The following SCAF4 variants were observed in gnomAD, a reference collection of about 807,000 sequenced individuals.
SCAF4 encodes SR-related CTD associated factor 4.
Under a neutral mutation model 129.8 loss-of-function variants are expected in SCAF4, and 25 were observed. The ratio of observed to expected loss-of-function variants is 0.19; its 90% CI spans 0.14 to 0.27. The LOEUF (loss-of-function observed/expected upper bound fraction) is 0.27. SCAF4 is among the 10% of genes least tolerant of loss of function. The pLI is 1.00. For missense variants in SCAF4, 1,246 were observed against 1,457.1 expected, an observed-to-expected ratio of 0.86 and a Z score of 2.36; for synonymous variants, 551 against 497.7, an observed-to-expected ratio of 1.11 and a Z score of -1.43.
intron 19 of SCAF4, among the ~76,000 whole-genome samples, chr21:31,682,230 T>C (rs542787218): frequency 6.6e-6 from 1 of 152,034 alleles, no homozygotes; most frequent in South Asian, 2.1e-4. Flanking sequence ...AATAGAAAAA[T>C]CAGCTGGGCG....
At position 31,672,334 on chromosome 21, in the gene SCAF4, C is replaced by A. The variant is rs2049730129; in HGVS notation, c.2509G>T (p.Gly837Cys). 6.2e-7 allele frequency: 1 copy of A among 1,613,350 alleles called. No individual in the cohort carries two copies. The highest frequency in any genetic ancestry group is 1.3e-5 in the African/African-American group (1 of 74,902). The part of the protein sequence containing the change: ...SLLGTQGVAP[G>C]PVIGLQAPST... ...GGTGCCTGAAGTCCAATTACAGGAC[C>A]AGGGGCAACTCCTTGAGTGCCTAAA... Residue 837 changes from glycine (G) to cysteine (C), a missense_variant, in exon 20 of 20, where the codon GGT (glycine) becomes TGT (cysteine). Physicochemically the swap from Gly to Cys is radical, Grantham distance 159. Transcript: ENST00000286835.
intron 19 of SCAF4, among the ~76,000 whole-genome samples, chr21:31,675,678 C>G (rs892922287): frequency 6.6e-6 from 1 of 152,144 alleles, no homozygotes; most frequent in Admixed American, 6.5e-5. Flanking sequence ...AGTGATGGCT[C>G]TAAGTGCCTG....
intron 19 of SCAF4, among the ~76,000 whole-genome samples, chr21:31,680,970 C>T (rs1243495013): frequency 6.6e-6 from 1 of 152,212 alleles, no homozygotes; most frequent in Non-Finnish European, 1.5e-5. Context: ...CCAATTCTGT[C>T]CCCACAATTT....
chr21:31,698,075 A>G (rs990070015), intron 7 of SCAF4, among the ~76,000 whole-genome samples: 16 of 152,348 alleles, frequency 1.1e-4, no homozygotes, highest in African/African-American at 3.6e-4. Context: ...AGTCGCCTAT[A>G]AAAAACAAAA....
intron 1 of SCAF4, among the ~76,000 whole-genome samples, chr21:31,718,136 G>C (rs2050984366): frequency 6.6e-6 from 1 of 152,036 alleles, no homozygotes. Context: ...AGTAGAGATG[G>C]GGTTTCTCCA....
chr21:31,700,195 C>T (rs1280221205), intron 7 of SCAF4, among the ~76,000 whole-genome samples: 1 of 150,238 alleles, frequency 6.7e-6, no homozygotes, highest in African/African-American at 2.4e-5. Context: ...CACACACACA[C>T]ACAAATAATA....
At chr21:31,719,300 CAAA>C (rs1198910683) in intron 1 of SCAF4, among the ~76,000 whole-genome samples, 8 of 149,864 alleles carry the variant, frequency 5.3e-5, no homozygotes, top group Non-Finnish European at 7.4e-5. Flanking sequence ...CAAAAAAAAA[CAAA>C]AAACAAAAAA....
chr21:31,698,088 T>C (rs1601222888), intron 7 of SCAF4, among the ~76,000 whole-genome samples: 1 of 152,194 alleles, frequency 6.6e-6, no homozygotes, highest in South Asian at 2.1e-4. Context: ...AAACAAAACC[T>C]ATGATCTTCA....
chr21:31,719,113 A>T (rs1263454967), intron 1 of SCAF4, among the ~76,000 whole-genome samples: 1 of 152,098 alleles, frequency 6.6e-6, no homozygotes, highest in Non-Finnish European at 1.5e-5. Context: ...CAACATGGAG[A>T]AACCCCATCT....
At chr21:31,687,519 T>G (rs1231867462) in intron 16 of SCAF4, among the ~76,000 whole-genome samples, 1 of 152,192 alleles carries the variant, frequency 6.6e-6, no homozygotes, top group Non-Finnish European at 1.5e-5. Context: ...AGTAACAGGT[T>G]GGCTGACTAG....
At chr21:31,695,578 T>TA (rs2050365713) in intron 9 of SCAF4, among the ~76,000 whole-genome samples, 2 of 152,226 alleles carry the variant, frequency 1.3e-5, no homozygotes, top group Non-Finnish European at 2.9e-5. Flanking sequence ...CAGTAATTGT[T>TA]AAACACTTGA....
At chr21:31,680,499 T>G (rs1035265751) in intron 19 of SCAF4, among the ~76,000 whole-genome samples, 3 of 152,202 alleles carry the variant, frequency 2.0e-5, no homozygotes, top group Non-Finnish European at 4.4e-5. Context: ...TTTAAAGCTT[T>G]CAAAGAAGAA....
At chr21:31,716,777 A>G (rs962867959) in intron 1 of SCAF4, among the ~76,000 whole-genome samples, 1 of 152,128 alleles carries the variant, frequency 6.6e-6, no homozygotes, top group Non-Finnish European at 1.5e-5. Context: ...ATAATTTACT[A>G]AATGTGTGTC....
At chr21:31,731,420 A>G (rs1161811301) in intron 1 of SCAF4, among the ~76,000 whole-genome samples, 2 of 151,200 alleles carry the variant, frequency 1.3e-5, no homozygotes, top group African/African-American at 4.9e-5. Context: ...CAAGGGGGCG[A>G]GGGGAGAAGC....
chr21:31,696,065 T>C (rs1288576465), intron 9 of SCAF4, 48 bp downstream of exon 9: 1 of 1,363,564 alleles, frequency 7.3e-7, no homozygotes, highest in African/African-American at 1.4e-5. Context: ...AACCATACGC[T>C]CTATAATGAA....
chr21:31,686,385 T>C (rs1024112425), intron 16 of SCAF4, among the ~76,000 whole-genome samples: 5 of 152,148 alleles, frequency 3.3e-5, no homozygotes, highest in South Asian at 2.1e-4. Flanking sequence ...GACAGGCTAC[T>C]TGGCAATTTA....
At chr21:31,728,172 T>C (rs894187896) in intron 1 of SCAF4, among the ~76,000 whole-genome samples, 25 of 152,182 alleles carry the variant, frequency 1.6e-4, no homozygotes, top group African/African-American at 6.0e-4. Flanking sequence ...TGCTAAAGCC[T>C]CTACTCCCAT....
intron 3 of SCAF4, among the ~76,000 whole-genome samples, chr21:31,704,774 A>G (rs925983183): frequency 6.6e-6 from 1 of 152,238 alleles, no homozygotes; most frequent in African/African-American, 2.4e-5. Flanking sequence ...TTTCCATTTT[A>G]TTTATTTGTA....
chr21:31,680,195 C>T (rs1174602643), intron 19 of SCAF4, among the ~76,000 whole-genome samples: 1 of 152,146 alleles, frequency 6.6e-6, no homozygotes, highest in Non-Finnish European at 1.5e-5. Context: ...AGTGACAGCC[C>T]AGGAGAAATG....
Sources: gnomAD v4.1 joint callset for allele counts (sites outside exome capture counted in the v4.1 genomes callset) on GRCh38, gnomAD v4.1.1 for gene constraint, MANE v1.5 for transcripts, NCBI Gene and HGNC (gene_info 2026-07-23, HGNC 2026-07-21) for gene names.